Variants in CCDC91 observed in about 807,000 individuals in gnomAD.
CCDC91 encodes coiled-coil domain containing 91.
In CCDC91, 48 loss-of-function variants were observed where a neutral mutation model predicts 63.2. The ratio of observed to expected loss-of-function variants is 0.76; its 90% confidence interval spans 0.60 to 0.97. CCDC91 has a LOEUF of 0.97. CCDC91 is among the 50% of genes least tolerant of loss of function. The probability of loss-of-function intolerance (pLI) is 0.00; values close to 1 mark genes in which losing one functional copy is unlikely to be tolerated. For synonymous variants in CCDC91, 167 were observed against 165.8 expected, an observed-to-expected ratio of 1.01 and a Z score of -0.06; for missense variants, 500 against 494.6, an observed-to-expected ratio of 1.01 and a Z score of -0.10.
intron 12 of CCDC91, among the ~76,000 whole-genome samples, chr12:28,530,016 T>C (rs1941603856): frequency 6.6e-6 from 1 of 152,206 alleles, no homozygotes. Flanking sequence ...TAGTACTTAA[T>C]TAGAAACTGT....
At chr12:28,199,200 A>C (rs1293944728) in intron 1 of CCDC91, 1 of 151,634 alleles carries the variant, frequency 6.6e-6, no homozygotes, top group African/African-American at 2.4e-5. Flanking sequence ...GTTGTGAGCC[A>C]CTGCACCCGG....
chr12:28,300,415 G>A (rs939704391), intron 3 of CCDC91, among the ~76,000 whole-genome samples: 11 of 151,332 alleles, frequency 7.3e-5, no homozygotes, highest in African/African-American at 2.7e-4. Flanking sequence ...TTTCTGATGT[G>A]TTCTTCTGAT....
At chr12:28,394,000 A>G (rs1189131895) in intron 8 of CCDC91, among the ~76,000 whole-genome samples, 1 of 152,244 alleles carries the variant, frequency 6.6e-6, no homozygotes, top group African/African-American at 2.4e-5. Flanking sequence ...AACCAAGGTG[A>G]TAAGAAACTT....
chr12:28,226,137 C>G (rs1944260335), intron 1 of CCDC91: 1 of 152,026 alleles, frequency 6.6e-6, no homozygotes, highest in Non-Finnish European at 1.5e-5. Flanking sequence ...CTGTTACTTC[C>G]AGATGAAAGT....
intron 3 of CCDC91, among the ~76,000 whole-genome samples, chr12:28,299,671 C>A (rs531148898): frequency 6.6e-6 from 1 of 151,748 alleles, no homozygotes; most frequent in South Asian, 2.1e-4. Flanking sequence ...GCCGATCTTC[C>A]ACTATCAGTC....
chr12:28,427,290 T>G (rs951394733), intron 8 of CCDC91, among the ~76,000 whole-genome samples: 2 of 152,126 alleles, frequency 1.3e-5, no homozygotes, highest in African/African-American at 4.8e-5. Flanking sequence ...CTAGATGAGA[T>G]AAGGTTCTGA....
intron 1 of CCDC91, among the ~76,000 whole-genome samples, chr12:28,203,863 A>G (rs1240718764): frequency 1.3e-5 from 2 of 152,162 alleles, no homozygotes; most frequent in South Asian, 2.1e-4. Flanking sequence ...TAAAAATTCA[A>G]TTGAATTGCC....
At chr12:28,370,002 A>G (rs1311541317) in intron 7 of CCDC91, among the ~76,000 whole-genome samples, 1 of 152,176 alleles carries the variant, frequency 6.6e-6, no homozygotes, top group East Asian at 1.9e-4. Context: ...AGGGGCTGCC[A>G]TGAAGATCTT....
chr12:28,504,239 A>G (rs1184988111), intron 12 of CCDC91, among the ~76,000 whole-genome samples: 1 of 151,958 alleles, frequency 6.6e-6, no homozygotes. Context: ...AGTTTCAAAA[A>G]AAAAGCACTC....
intron 8 of CCDC91, among the ~76,000 whole-genome samples, chr12:28,433,110 A>G (rs1948719467): frequency 6.6e-6 from 1 of 151,822 alleles, no homozygotes; most frequent in Non-Finnish European, 1.5e-5. Context: ...TGCTTTGGAA[A>G]ATAGTCCTTT....
At chr12:28,353,106 A>T (rs1254363371) in intron 6 of CCDC91, among the ~76,000 whole-genome samples, 1 of 152,150 alleles carries the variant, frequency 6.6e-6, no homozygotes, top group Non-Finnish European at 1.5e-5. Flanking sequence ...TGACATTTTT[A>T]TCTTATGGAG....
chr12:28,441,632 A>G (rs1327970041), intron 8 of CCDC91, among the ~76,000 whole-genome samples: 1 of 147,884 alleles, frequency 6.8e-6, no homozygotes, highest in Non-Finnish European at 1.5e-5. Context: ...TCATATGTGT[A>G]TATATATCTC....
At chr12:28,244,645 A>G (rs1044695774) in intron 1 of CCDC91, among the ~76,000 whole-genome samples, 5 of 151,580 alleles carry the variant, frequency 3.3e-5, no homozygotes, top group Non-Finnish European at 5.9e-5. Context: ...GTCTGGTGAT[A>G]TGATGCTGGC....
intron 1 of CCDC91, among the ~76,000 whole-genome samples, chr12:28,241,485 G>A (rs913728233): frequency 6.6e-6 from 1 of 152,088 alleles, no homozygotes. Context: ...GATATGAGTA[G>A]CTAATCATTT....
chr12:28,336,892 A>G lies in CCDC91; in HGVS notation c.577-25546A>G, dbSNP rs191861954. Reference sequence around the variant, plus strand: ...TTTGATAACTATTCAAACTTTATATATTTATATGGATTATTACATGTAATT... The same window carrying G: ...TTTGATAACTATTCAAACTTTATATGTTTATATGGATTATTACATGTAATT... On this transcript the variant is annotated intron_variant, in intron 6 of 12. Transcript: ENST00000536442. Among the ~76,000 whole-genome samples, 579 of 152,004 alleles carry G rather than the reference A, an allele frequency of 3.8e-3. 2 individuals carry two copies. Among genetic ancestry groups the G allele is most frequent in the Non-Finnish European group, 6.3e-3 (430 of 67,880 alleles).
At chr12:28,513,640 GA>G (rs1345563290) in intron 12 of CCDC91, among the ~76,000 whole-genome samples, 1 of 151,822 alleles carries the variant, frequency 6.6e-6, no homozygotes, top group Non-Finnish European at 1.5e-5. Context: ...TCATATGCAT[GA>G]AAGTAAGAAA....
intron 7 of CCDC91, among the ~76,000 whole-genome samples, chr12:28,390,561 A>AAACATCAT (rs1945870010): frequency 1.3e-5 from 2 of 152,170 alleles, no homozygotes; most frequent in African/African-American, 4.8e-5. Context: ...TGAGTGGGTG[A>AAACATCAT]AACATCATCA....
chr12:28,342,573 A>G (rs1240695863), intron 6 of CCDC91, among the ~76,000 whole-genome samples: 1 of 152,184 alleles, frequency 6.6e-6, no homozygotes, highest in Non-Finnish European at 1.5e-5. Flanking sequence ...TATTATAGCA[A>G]GCTTCTGTCA....
chr12:28,517,395 C>T (rs964468897), intron 12 of CCDC91, among the ~76,000 whole-genome samples: 3 of 151,898 alleles, frequency 2.0e-5, no homozygotes, highest in African/African-American at 7.2e-5. Context: ...TAACTTGCAA[C>T]ACGTTTGAAC....
Sources: allele counts gnomAD v4.1 joint callset (sites outside exome capture counted in the v4.1 genomes callset), GRCh38; gene constraint gnomAD v4.1.1; transcripts MANE v1.5; gene names NCBI Gene and HGNC (gene_info 2026-07-23, HGNC 2026-07-21).